Variants in RASA3 observed in about 807,000 individuals in gnomAD.
The protein encoded by RASA3 is ras GTPase-activating protein 3.
In RASA3, 73 loss-of-function variants were observed where a neutral mutation model predicts 110.0. The ratio of observed to expected loss-of-function variants is 0.66; its 90% CI spans 0.55 to 0.81. RASA3 has a LOEUF of 0.81. Among genes scored for constraint, RASA3 ranks in the 30% least tolerant of loss-of-function variants. RASA3 has a pLI of 0.00. For missense variants in RASA3, 976 were observed against 1,113.2 expected (o/e 0.88, Z 1.75); for synonymous variants, 500 against 451.4 (o/e 1.11, Z -1.37).
intron 7 of RASA3, among the ~76,000 whole-genome samples, chr13:114,024,597 G>A (rs949722826): frequency 2.0e-5 from 3 of 152,220 alleles, no homozygotes; most frequent in South Asian, 4.1e-4. Context: ...GGCTGTTCAC[G>A]GCCACGGCCG....
intron 21 of RASA3, among the ~76,000 whole-genome samples, chr13:113,995,191 C>A (rs1018789231): frequency 7.2e-5 from 11 of 152,204 alleles, no homozygotes; most frequent in Admixed American, 4.6e-4. Context: ...CCTGCACGGT[C>A]GGCTGCGGGT....
intron 19 of RASA3, among the ~76,000 whole-genome samples, chr13:114,000,438 G>A (rs937002844): frequency 1.3e-5 from 2 of 152,186 alleles, no homozygotes; most frequent in East Asian, 1.9e-4. Flanking sequence ...TCCTAATCTA[G>A]ATCTGAGCCA....
Position 114,021,107 on chromosome 13 carries a change from C to T in RASA3, c.785+297G>A, listed in dbSNP as rs540538750. On this transcript the variant is annotated intron_variant, in intron 9 of 23. Transcript: ENST00000334062. The stretch of plus-strand genomic sequence containing the variant: ...CCAGGATCAGACCCCGTGAGCTGCT[C>T]GTGGCTTAGGGCCGCTTTCACCCAC... Among the ~76,000 whole-genome samples the T allele has an allele frequency of 2.0e-5, 3 of 152,346 alleles. No homozygotes were observed. In the South Asian group the frequency reaches 6.2e-4, roughly 32 times the overall value.
At chr13:114,116,769 T>C (rs537763402) in intron 1 of RASA3, among the ~76,000 whole-genome samples, 2 of 127,816 alleles carry the variant, frequency 1.6e-5, no homozygotes, top group African/African-American at 6.2e-5. Context: ...GTGTGAGGGG[T>C]GCACGTGTGT....
intron 1 of RASA3, among the ~76,000 whole-genome samples, chr13:114,118,789 G>C (rs535820664): frequency 2.6e-5 from 4 of 152,312 alleles, no homozygotes; most frequent in Middle Eastern, 3.4e-3. Flanking sequence ...CTTCTCTGCT[G>C]AAAGTCAGCA....
intron 21 of RASA3, among the ~76,000 whole-genome samples, chr13:113,993,965 T>C (rs1372156687): frequency 1.3e-5 from 2 of 152,234 alleles, no homozygotes; most frequent in South Asian, 2.1e-4. Context: ...CGCGGGGCTG[T>C]TATTTTTAGC....
intron 18 of RASA3, among the ~76,000 whole-genome samples, chr13:114,002,061 C>T (rs978492150): frequency 6.6e-6 from 1 of 152,222 alleles, no homozygotes; most frequent in South Asian, 2.1e-4. Context: ...CCTTCATTGC[C>T]GGGCAGGGGT....
chr13:114,003,496 CAA>C (rs887001281), intron 18 of RASA3, among the ~76,000 whole-genome samples: 58 of 152,370 alleles, frequency 3.8e-4, no homozygotes, highest in African/African-American at 1.4e-3. Context: ...GTTTCCTCTT[CAA>C]AGTTTCCCTT....
chr13:114,077,259 T>C (rs371985436), intron 1 of RASA3, among the ~76,000 whole-genome samples: 80 of 152,252 alleles, frequency 5.3e-4, no homozygotes, highest in African/African-American at 1.9e-3. Context: ...CGGATCCCCC[T>C]GCGCTGGCGC....
chr13:114,009,793 C>T (rs1303915278), intron 16 of RASA3, among the ~76,000 whole-genome samples: 1 of 152,220 alleles, frequency 6.6e-6, no homozygotes, highest in African/African-American at 2.4e-5. Context: ...CCAGATGTGG[C>T]TGCCTGGGAA....
At chr13:114,093,057 T>C (rs995311232) in intron 1 of RASA3, among the ~76,000 whole-genome samples, 2 of 152,238 alleles carry the variant, frequency 1.3e-5, no homozygotes, top group Non-Finnish European at 2.9e-5. Flanking sequence ...GGTGTCACAA[T>C]TTATATTTTG....
intron 1 of RASA3, among the ~76,000 whole-genome samples, chr13:114,095,713 C>T (rs1376394363): frequency 1.3e-5 from 2 of 152,068 alleles, no homozygotes; most frequent in South Asian, 2.1e-4. Context: ...ATGATGGGCC[C>T]GGCTGTTTCC....
chr13:114,083,986 C>A (rs61973944), intron 1 of RASA3, among the ~76,000 whole-genome samples: 22 of 282 alleles, frequency 0.078, 1 homozygote, highest in East Asian at 0.5. Context: ...CGGGGAAATC[C>A]CGGGGAAGTG....
intron 2 of RASA3, among the ~76,000 whole-genome samples, chr13:114,069,494 GAC>G (rs2079520611): frequency 1.7e-5 from 1 of 59,240 alleles, no homozygotes; most frequent in African/African-American, 6.4e-5. Context: ...AGACTCGGGG[GAC>G]CAGGAGACTC....
intron 4 of RASA3, among the ~76,000 whole-genome samples, chr13:114,037,798 C>T (rs1400837778): frequency 1.3e-4 from 20 of 152,210 alleles, no homozygotes; most frequent in Admixed American, 1.2e-3. Context: ...GCACAAACGT[C>T]GGCGTCCTGG....
intron 2 of RASA3, among the ~76,000 whole-genome samples, chr13:114,072,084 G>A (rs963518137): frequency 4.6e-5 from 7 of 152,084 alleles, no homozygotes; most frequent in East Asian, 1.9e-4. Context: ...TCCCCAAGCC[G>A]CTCCCTTATA....
intron 3 of RASA3, among the ~76,000 whole-genome samples, chr13:114,045,427 G>A (rs921252222): frequency 2.0e-5 from 3 of 152,144 alleles, no homozygotes; most frequent in Non-Finnish European, 2.9e-5. Context: ...GGCATCAGAC[G>A]GGGGACCAGC....
intron 4 of RASA3, among the ~76,000 whole-genome samples, chr13:114,035,341 G>A (rs1253154581): frequency 6.6e-6 from 1 of 152,210 alleles, no homozygotes; most frequent in Non-Finnish European, 1.5e-5. Context: ...GGTCCCTGGC[G>A]CTGCACTCCT....
chr13:114,038,745 C>T (rs1050239087), intron 4 of RASA3, among the ~76,000 whole-genome samples: 3 of 152,062 alleles, frequency 2.0e-5, no homozygotes, highest in Non-Finnish European at 1.5e-5. Context: ...GACGAGGGTT[C>T]CCGAGGGATG....
Sources: gnomAD v4.1 joint callset for allele counts (sites outside exome capture counted in the v4.1 genomes callset) on GRCh38, gnomAD v4.1.1 for gene constraint, MANE v1.5 for transcripts, NCBI Gene and HGNC (gene_info 2026-07-23, HGNC 2026-07-21) for gene names.